The following CAMK4 variants were observed in gnomAD, a reference collection of about 807,000 sequenced individuals.
CAMK4 encodes the protein calcium/calmodulin dependent protein kinase IV.
Under a neutral mutation model 44.9 loss-of-function variants are expected in CAMK4, and 22 were observed. The observed-to-expected ratio is 0.49, with a 90% confidence interval of 0.35 to 0.70. CAMK4 has a LOEUF of 0.70. Among genes scored for constraint, CAMK4 ranks in the 30% least tolerant of loss-of-function variants. CAMK4 has a pLI of 0.01. For synonymous variants in CAMK4, 218 were observed against 215.4 expected (o/e 1.01, Z -0.11); for missense variants, 498 against 586.8 (o/e 0.85, Z 1.56).
intron 4 of CAMK4, among the ~76,000 whole-genome samples, chr5:111,383,209 A>G (rs961787884): frequency 3.3e-5 from 5 of 152,322 alleles, no homozygotes; most frequent in Middle Eastern, 6.8e-3. Flanking sequence ...CATTCTAGAA[A>G]AGGCATGAAG....
intron 7 of CAMK4, among the ~76,000 whole-genome samples, chr5:111,461,813 TAA>T (rs3066731): frequency 1.9e-4 from 13 of 69,170 alleles, no homozygotes; most frequent in South Asian, 6.6e-4. Flanking sequence ...GCCTCTATAG[TAA>T]AAAAAAAAAA....
chr5:111,264,648 C>T (rs1374585103), intron 1 of CAMK4, among the ~76,000 whole-genome samples: 1 of 152,090 alleles, frequency 6.6e-6, no homozygotes. Flanking sequence ...AGCTTGCTGT[C>T]CTCTCTTGTC....
At chr5:111,409,773 C>G (rs777387041) in intron 5 of CAMK4, among the ~76,000 whole-genome samples, 1 of 152,204 alleles carries the variant, frequency 6.6e-6, no homozygotes, top group Non-Finnish European at 1.5e-5. Flanking sequence ...CCACATATCT[C>G]TAGGGCAGGG....
chr5:111,245,540 A>G (rs1749195814), intron 1 of CAMK4, among the ~76,000 whole-genome samples: 1 of 152,162 alleles, frequency 6.6e-6, no homozygotes, highest in Admixed American at 6.5e-5. Flanking sequence ...TACAACTACC[A>G]TGTTCATATT....
intron 1 of CAMK4, among the ~76,000 whole-genome samples, chr5:111,264,314 G>GT (rs1481325008): frequency 6.6e-6 from 1 of 152,170 alleles, no homozygotes; most frequent in Non-Finnish European, 1.5e-5. Flanking sequence ...CGCTCCAGGG[G>GT]TTTGGTGTGC....
chr5:111,348,388 C>A (rs1749953098), intron 2 of CAMK4, among the ~76,000 whole-genome samples: 1 of 151,934 alleles, frequency 6.6e-6, no homozygotes, highest in Admixed American at 6.6e-5. Context: ...AGAGTCAACA[C>A]TGATAATTAA....
At position 111,252,248 on chromosome 5, in the gene CAMK4, G is replaced by C. The variant is rs114427267; in HGVS notation, c.161+27604G>C. Among the ~76,000 whole-genome samples, 1,120 of 152,286 alleles carry C rather than the reference G, an allele frequency of 7.4e-3. 8 individuals carry two copies. Among genetic ancestry groups the C allele is most frequent in the African/African-American group, 0.026 (1,076 of 41,552 alleles). ...TTGTCTTGGCTTCTTCAGCTGACTTGAGTGGGGACTCTGATTGTTGGCTGC... is the reference window on the plus strand; with the variant it reads ...TTGTCTTGGCTTCTTCAGCTGACTTCAGTGGGGACTCTGATTGTTGGCTGC... On this transcript the variant is annotated intron_variant, in intron 1 of 10. Coordinates refer to ENST00000282356, the MANE Select transcript of CAMK4 (RefSeq NM_001744.6).
At position 111,224,505 on chromosome 5, in the gene CAMK4, T is replaced by G; in HGVS notation, c.22T>G (p.Ser8Ala). Residue 8 changes from serine to alanine, a missense_variant, in exon 1 of 11, where the codon TCC (serine) becomes GCC (alanine). Around this residue, in one of 3 missense-constraint regions of CAMK4, gnomAD observed 152 missense variants for 143.7 expected, o/e 1.06. Transcript: ENST00000282356. This position sits in a 1 kb window ranked among gnomAD's most constrained non-coding sequence, Gnocchi z 5.7. ...GAAGATGCTCAAAGTCACGGTGCCCTCCTGCTCCGCCTCGTCCTGCTCTTC... is the reference window on the plus strand; with the variant it reads ...GAAGATGCTCAAAGTCACGGTGCCCGCCTGCTCCGCCTCGTCCTGCTCTTC... MLKVTVPSCSASSCSSVT... is the reference protein window; with the variant it reads MLKVTVPACSASSCSSVT... The G allele has an allele frequency of 6.2e-7, 1 of 1,609,692 alleles. No individual in the cohort carries two copies. Among genetic ancestry groups the G allele is most frequent in the South Asian group, 1.1e-5 (1 of 90,622 alleles).
chr5:111,262,942 C>G (rs1451164198), intron 1 of CAMK4, among the ~76,000 whole-genome samples: 1 of 152,212 alleles, frequency 6.6e-6, no homozygotes, highest in Non-Finnish European at 1.5e-5. Flanking sequence ...TCATTGCTTT[C>G]TCTTTGTCAT....
intron 5 of CAMK4, among the ~76,000 whole-genome samples, chr5:111,434,960 A>G (rs548398958): frequency 6.6e-6 from 1 of 152,218 alleles, no homozygotes; most frequent in Non-Finnish European, 1.5e-5. Context: ...TTAACCACAC[A>G]CAGCCCATTG....
At chr5:111,459,735 C>A (rs1048488349) in intron 7 of CAMK4, among the ~76,000 whole-genome samples, 6 of 134,250 alleles carry the variant, frequency 4.5e-5, no homozygotes, top group South Asian at 2.4e-4. Context: ...CGCTGTGTCA[C>A]CCAGGCTGGA....
chr5:111,487,622 T>C lies in CAMK4; in HGVS notation c.*3156T>C, dbSNP rs1039591974. The stretch of plus-strand genomic sequence containing the variant: ...TATTCTATCGATATATAGTCAATAT[T>C]AAAATTTAATGTGATATTTTGAATT... On this transcript the variant is annotated 3_prime_UTR_variant, in exon 11 of 11. Coordinates refer to ENST00000282356, the MANE Select transcript of CAMK4 (RefSeq NM_001744.6). 1 of 152,210 alleles carries C rather than the reference T, an allele frequency of 6.6e-6. No individual in the cohort carries two copies. Among genetic ancestry groups the C allele is most frequent in the Non-Finnish European group, 1.5e-5 (1 of 68,036 alleles). The allele number at this position is 152,210 out of a possible 1,614,324, so 9.4% of individuals were successfully genotyped here.
chr5:111,350,302 C>A (rs1046647454), intron 2 of CAMK4, among the ~76,000 whole-genome samples: 1 of 151,992 alleles, frequency 6.6e-6, no homozygotes, highest in African/African-American at 2.4e-5. Flanking sequence ...AGTACCAGTT[C>A]ATTCTATATA....
At chr5:111,406,961 A>C (rs934638806) in intron 5 of CAMK4, among the ~76,000 whole-genome samples, 1 of 152,188 alleles carries the variant, frequency 6.6e-6, no homozygotes, top group African/African-American at 2.4e-5. Flanking sequence ...GTTAGGTTTC[A>C]GTTGATTTAA....
rs1033996106 is a variant in CAMK4, at chr5:111,408,140, A to G, written c.459+13358A>G. ...AAAGAGAGAGAGAGAGAGAGAGAGAAAGACTCTGTGGGAAATATCAATGTC... is the reference window on the plus strand; with the variant it reads ...AAAGAGAGAGAGAGAGAGAGAGAGAGAGACTCTGTGGGAAATATCAATGTC... On this transcript the variant is annotated intron_variant, in intron 5 of 10. Transcript: ENST00000282356. 9.4e-5 allele frequency among the ~76,000 whole-genome samples: 14 copies of G among 149,384 alleles called. 1 individual carries two copies. The highest frequency in any genetic ancestry group is 1.9e-4 in the Non-Finnish European group (13 of 67,662).
At chr5:111,460,191 TATTG>T (rs1478325323) in intron 7 of CAMK4, among the ~76,000 whole-genome samples, 1 of 151,948 alleles carries the variant, frequency 6.6e-6, no homozygotes, top group African/African-American at 2.4e-5. Context: ...CAAGAATTAT[TATTG>T]ATTATCATCA....
intron 7 of CAMK4, among the ~76,000 whole-genome samples, chr5:111,453,324 T>C (rs2112986089): frequency 6.6e-6 from 1 of 152,326 alleles, no homozygotes; most frequent in East Asian, 1.9e-4. Context: ...TAAATACAAA[T>C]TTTAATCTAG....
intron 1 of CAMK4, among the ~76,000 whole-genome samples, chr5:111,339,389 G>T (rs1387271425): frequency 6.6e-6 from 1 of 151,210 alleles, no homozygotes; most frequent in Non-Finnish European, 1.5e-5. Flanking sequence ...AATTCATTTT[G>T]AGTTGATCTT....
At chr5:111,350,763 T>C (rs1453451608) in intron 2 of CAMK4, among the ~76,000 whole-genome samples, 4 of 152,094 alleles carry the variant, frequency 2.6e-5, no homozygotes, top group African/African-American at 9.7e-5. Context: ...TTTCCATAAA[T>C]GTTGGTTTGA....
Sources: allele counts gnomAD v4.1 joint callset (sites outside exome capture counted in the v4.1 genomes callset), GRCh38; gene constraint gnomAD v4.1.1; regional missense constraint gnomAD v4.1.1; non-coding constraint Gnocchi (gnomAD v3.1); transcripts MANE v1.5; gene names NCBI Gene and HGNC (gene_info 2026-07-23, HGNC 2026-07-21).